The following PDE11A variants were observed in gnomAD, a reference collection of about 807,000 sequenced individuals.
PDE11A encodes phosphodiesterase 11A.
In PDE11A, 100 loss-of-function variants were observed where a neutral mutation model predicts 100.5. The ratio of observed to expected loss-of-function variants is 1.00; its 90% CI spans 0.85 to 1.18. The LOEUF (loss-of-function observed/expected upper bound fraction) is 1.18, where lower values mean the gene tolerates loss of function less well. Ranked by LOEUF, PDE11A falls within the 50% of genes most tolerant of loss-of-function variation. PDE11A has a pLI of 0.00. For missense variants in PDE11A, 1,141 were observed against 1,152.6 expected (o/e 0.99, Z 0.15); for synonymous variants, 381 against 420.8 (o/e 0.91, Z 1.16).
At chr2:178,028,913 T>G (rs2086511460) in intron 1 of PDE11A, among the ~76,000 whole-genome samples, 1 of 152,314 alleles carries the variant, frequency 6.6e-6, no homozygotes, top group East Asian at 1.9e-4. Flanking sequence ...CTTTAGGATC[T>G]GCATAGTACG....
chr2:178,028,598 A>G (rs937569460), intron 1 of PDE11A, among the ~76,000 whole-genome samples: 2 of 152,210 alleles, frequency 1.3e-5, no homozygotes, highest in African/African-American at 4.8e-5. Flanking sequence ...CCTTGGATAG[A>G]GTTGATTAGC....
At chr2:178,042,198 G>C (rs2086691837) in intron 1 of PDE11A, among the ~76,000 whole-genome samples, 1 of 152,140 alleles carries the variant, frequency 6.6e-6, no homozygotes, top group Non-Finnish European at 1.5e-5. Flanking sequence ...TTCATCCTAA[G>C]GCTGGGTATG....
At chr2:177,707,588 C>T (rs562301999) in intron 13 of PDE11A, among the ~76,000 whole-genome samples, 4 of 152,080 alleles carry the variant, frequency 2.6e-5, no homozygotes, top group East Asian at 1.9e-4. Context: ...TTTTTTCATC[C>T]GCTTGGTATG....
At chr2:178,093,184 G>A (rs1308620438) in intron 2 of PDE11A, among the ~76,000 whole-genome samples, 5 of 152,182 alleles carry the variant, frequency 3.3e-5, no homozygotes, top group African/African-American at 1.2e-4. Flanking sequence ...GTCGCATACT[G>A]TTTAGGGTCT....
chr2:177,895,274 C>A (rs545071025), intron 4 of PDE11A, among the ~76,000 whole-genome samples: 23 of 152,160 alleles, frequency 1.5e-4, no homozygotes, highest in African/African-American at 4.3e-4. Flanking sequence ...TATTCTGGGC[C>A]GGGTGCTGTG....
intron 2 of PDE11A, among the ~76,000 whole-genome samples, chr2:178,095,331 G>T (rs1408151702): frequency 6.6e-6 from 1 of 152,182 alleles, no homozygotes; most frequent in African/African-American, 2.4e-5. Context: ...GTGCAAGTCC[G>T]AAATCCAGCA....
chr2:177,837,666 T>C (rs2083427364), intron 6 of PDE11A, among the ~76,000 whole-genome samples: 1 of 152,178 alleles, frequency 6.6e-6, no homozygotes, highest in Admixed American at 6.5e-5. Context: ...ATTCTCTTCT[T>C]AAATCTTCCC....
chr2:177,932,780 C>T (rs1269155108), intron 2 of PDE11A, among the ~76,000 whole-genome samples: 2 of 151,634 alleles, frequency 1.3e-5, no homozygotes, highest in East Asian at 3.9e-4. Flanking sequence ...ACTCTCACCA[C>T]TCCTATTCAA....
At chr2:177,843,663 T>A (rs1476864654) in intron 5 of PDE11A, among the ~76,000 whole-genome samples, 2 of 152,202 alleles carry the variant, frequency 1.3e-5, no homozygotes, top group South Asian at 4.1e-4. Flanking sequence ...AGAAGGAATA[T>A]TGACTCTGTG....
intron 2 of PDE11A, among the ~76,000 whole-genome samples, chr2:177,966,389 G>T (rs2085698680): frequency 6.6e-6 from 1 of 152,078 alleles, no homozygotes; most frequent in Non-Finnish European, 1.5e-5. Flanking sequence ...TGATGAATAG[G>T]AACAATGAGA....
At chr2:177,956,567 C>A (rs941076475) in intron 2 of PDE11A, among the ~76,000 whole-genome samples, 2 of 152,140 alleles carry the variant, frequency 1.3e-5, no homozygotes, top group Non-Finnish European at 2.9e-5. Flanking sequence ...TGGGTATATA[C>A]CCAAAGGATT....
intron 19 of PDE11A, among the ~76,000 whole-genome samples, chr2:177,638,666 T>C (rs534161931): frequency 1.3e-5 from 2 of 152,242 alleles, no homozygotes; most frequent in Non-Finnish European, 2.9e-5. Flanking sequence ...TTGGAAATAA[T>C]TCAATCCCTT....
chr2:178,007,818 C>G (rs1164996335), intron 2 of PDE11A, among the ~76,000 whole-genome samples: 5 of 152,124 alleles, frequency 3.3e-5, no homozygotes, highest in African/African-American at 7.2e-5. Context: ...AATTCTCCTG[C>G]CTCAGCCTCC....
intron 1 of PDE11A, among the ~76,000 whole-genome samples, chr2:178,050,509 G>A (rs553500339): frequency 6.6e-6 from 1 of 152,294 alleles, no homozygotes; most frequent in Admixed American, 6.5e-5. Flanking sequence ...AAATGACTTT[G>A]ACGAGTTGAG....
intron 10 of PDE11A, among the ~76,000 whole-genome samples, chr2:177,744,071 G>A (rs1165847803): frequency 2.6e-5 from 4 of 152,202 alleles, no homozygotes; most frequent in African/African-American, 9.7e-5. Context: ...GAATAGTAGG[G>A]CTGGAGACTT....
Sources: allele counts gnomAD v4.1 joint callset (sites outside exome capture counted in the v4.1 genomes callset), GRCh38; gene constraint gnomAD v4.1.1; transcripts MANE v1.5; gene names NCBI Gene and HGNC (gene_info 2026-07-23, HGNC 2026-07-21).